Variants in MIB1 observed in about 807,000 individuals in gnomAD.
The protein encoded by MIB1 is MIB E3 ubiquitin protein ligase 1.
In MIB1, 278 loss-of-function variants were observed where a neutral mutation model predicts 124.5. The ratio of observed to expected loss-of-function variants is 2.23; its 90% CI spans 2.02 to 2.47. The LOEUF (loss-of-function observed/expected upper bound fraction) is 2.47, where lower values mean the gene tolerates loss of function less well. Ranked by LOEUF, MIB1 falls within the 30% of genes most tolerant of loss-of-function variation. MIB1 has a pLI of 0.00. For missense variants in MIB1, 957 were observed against 1,254.4 expected (o/e 0.76, Z 3.58); for synonymous variants, 446 against 429.4 (o/e 1.04, Z -0.48).
At chr18:21,783,504 A>G (rs2041396301) in intron 6 of MIB1, among the ~76,000 whole-genome samples, 1 of 151,740 alleles carries the variant, frequency 6.6e-6, no homozygotes, top group African/African-American at 2.4e-5. Flanking sequence ...CAGCCTCCCA[A>G]AGTACTGGGA....
chr18:21,808,532 A>G (rs2041733889), intron 10 of MIB1, among the ~76,000 whole-genome samples: 1 of 152,202 alleles, frequency 6.6e-6, no homozygotes, highest in Non-Finnish European at 1.5e-5. Context: ...TTAAGCTGTT[A>G]TCAAACAATT....
chr18:21,869,507 G>A lies in MIB1; in HGVS notation c.*4841G>A, dbSNP rs1437674440. 6.6e-6 allele frequency: 1 copy of A among 152,346 alleles called. No homozygotes were observed. The highest frequency in any genetic ancestry group is 1.5e-5 in the Non-Finnish European group (1 of 67,886). 9.4% of individuals were successfully genotyped at this position (152,346 alleles called of 1,614,324 possible). On this transcript the variant is annotated 3_prime_UTR_variant, in exon 21 of 21. Transcript: ENST00000261537. ...AGTGCACGTGTATCATTATATACAC[G>A]TTTTAAAGTCATATTGCTTAGCTTG...
At chr18:21,790,788 A>G (rs2041493160) in intron 6 of MIB1, among the ~76,000 whole-genome samples, 1 of 152,238 alleles carries the variant, frequency 6.6e-6, no homozygotes. Flanking sequence ...ATTGTATATT[A>G]CTTTTATAAC....
chr18:21,835,779 A>AT (rs1427646061), intron 12 of MIB1, among the ~76,000 whole-genome samples: 35 of 129,872 alleles, frequency 2.7e-4, no homozygotes, highest in Middle Eastern at 4.0e-3. Flanking sequence ...CAAGAAAAAA[A>AT]AAAAAATATA....
At chr18:21,755,140 A>G (rs1235940964) in intron 1 of MIB1, among the ~76,000 whole-genome samples, 1 of 150,048 alleles carries the variant, frequency 6.7e-6, no homozygotes, top group Non-Finnish European at 1.5e-5. Context: ...TTGTCTTATC[A>G]TGTCTGGGAA....
At chr18:21,826,052 T>C in intron 12 of MIB1, 1 of 237,598 alleles carries the variant, frequency 4.2e-6, no homozygotes, top group Non-Finnish European at 8.4e-6. Context: ...TCTAATCTTG[T>C]CCACAGCCGA....
chr18:21,762,466 A>G (rs1267170622), intron 1 of MIB1, among the ~76,000 whole-genome samples: 1 of 152,236 alleles, frequency 6.6e-6, no homozygotes, highest in Non-Finnish European at 1.5e-5. Flanking sequence ...TTTGCAAGGA[A>G]CTACAATGTG....
At chr18:21,750,001 G>A (rs1260790959) in intron 1 of MIB1, among the ~76,000 whole-genome samples, 1 of 151,810 alleles carries the variant, frequency 6.6e-6, no homozygotes, top group Non-Finnish European at 1.5e-5. Flanking sequence ...CAGTGAGTTA[G>A]AAATTTTATC....
In MIB1 at chr18:21,778,110, T is replaced by G. The variant is rs765022698; in HGVS notation, c.644T>G (p.Leu215Arg). 6.2e-7 allele frequency: 1 copy of G among 1,611,640 alleles called. No individual in the cohort carries two copies. The highest frequency in any genetic ancestry group is 1.3e-5 in the African/African-American group (1 of 74,874). ...YRVGFEGMSD[L>R]KCVQDAKGGS... Reference sequence around the variant, plus strand: ...GGTTTCTTTTCTTCTTAGTCTGATCTGAAATGTGTCCAGGATGCCAAGGGA... The same window carrying G: ...GGTTTCTTTTCTTCTTAGTCTGATCGGAAATGTGTCCAGGATGCCAAGGGA... The change falls in exon 5 of 21, where the codon CTG becomes CGG. Residue 215 changes from leucine to arginine, a missense_variant. Physicochemically the swap from Leu to Arg is moderately radical, Grantham distance 102. Transcript: ENST00000261537.
chr18:21,719,188 C>CA lies in MIB1; in HGVS notation n.167+14081dup, dbSNP rs201457192. On this transcript the variant is annotated intron_variant and non_coding_transcript_variant, in intron 1 of 20. Transcript: ENST00000578646. ...GGGCAACAAGAGCAAAACTCCGTCTCAAAAAAAAAAAAAAAATTTAGCCAG... is the reference window on the plus strand; with the variant it reads ...GGGCAACAAGAGCAAAACTCCGTCTCAAAAAAAAAAAAAAAAATTTAGCCAG... 7.3e-3 allele frequency among the ~76,000 whole-genome samples: 693 copies of CA among 95,082 alleles called. 2 individuals carry two copies. The highest frequency in any genetic ancestry group is 0.025 in the Middle Eastern group (3 of 118). 62.4% of individuals were successfully genotyped at this position (95,082 alleles called of 152,430 possible). A position where few individuals can be genotyped will look rare whatever the true frequency, so the allele number is the denominator to read the frequency against.
chr18:21,728,585 T>A (rs542035049), intron 1 of MIB1, among the ~76,000 whole-genome samples: 1 of 152,112 alleles, frequency 6.6e-6, no homozygotes, highest in Admixed American at 6.5e-5. Flanking sequence ...CTTAAAAGAG[T>A]AGGATATCAG....
intron 1 of MIB1, among the ~76,000 whole-genome samples, chr18:21,732,365 C>CACAT (rs2040775631): frequency 6.7e-6 from 1 of 150,174 alleles, no homozygotes; most frequent in Admixed American, 6.6e-5. Flanking sequence ...CACACACACA[C>CACAT]ACACACACAC....
chr18:21,846,534 A>G (rs1263301267), intron 15 of MIB1, among the ~76,000 whole-genome samples: 1 of 152,150 alleles, frequency 6.6e-6, no homozygotes. Context: ...CTCTCCTGTC[A>G]TTGTTTCAAG....
chr18:21,758,823 G>A (rs1358805412), intron 1 of MIB1, among the ~76,000 whole-genome samples: 3 of 152,108 alleles, frequency 2.0e-5, no homozygotes, highest in African/African-American at 4.8e-5. Context: ...ATGAGCCACC[G>A]CGCCCAGCTG....
In MIB1 at chr18:21,741,275, G is replaced by T. The variant is rs946917531; in HGVS notation, c.-309G>T. 28 of 157,316 alleles carry T rather than the reference G, an allele frequency of 1.8e-4. No individual in the cohort carries two copies. Among genetic ancestry groups the T allele is most frequent in the Non-Finnish European group, 4.2e-5 (3 of 71,686 alleles). 9.7% of individuals were successfully genotyped at this position (157,316 alleles called of 1,614,324 possible). A position where few individuals can be genotyped will look rare whatever the true frequency, so the allele number is the denominator to read the frequency against. On this transcript the variant is annotated 5_prime_UTR_variant, in exon 1 of 21. Coordinates refer to ENST00000261537, the MANE Select transcript of MIB1 (RefSeq NM_020774.4). The surrounding 1 kb of genome is among the most constrained non-coding windows in gnomAD (Gnocchi z 5.4). Reference sequence around the variant, plus strand: ...GCCGTCGCTGTAGCCTGGCCGGGGAGCCCGGAGGAAGCGGGAGAGTCCCCG... The same window carrying T: ...GCCGTCGCTGTAGCCTGGCCGGGGATCCCGGAGGAAGCGGGAGAGTCCCCG...
At chr18:21,849,920 T>G (rs889873697) in intron 17 of MIB1, among the ~76,000 whole-genome samples, 11 of 152,164 alleles carry the variant, frequency 7.2e-5, no homozygotes, top group African/African-American at 2.7e-4. Context: ...CTTCTGTGTT[T>G]CCTGTAAGCT....
At chr18:21,770,459 T>C (rs1012099515) in intron 3 of MIB1, among the ~76,000 whole-genome samples, 6 of 152,098 alleles carry the variant, frequency 3.9e-5, no homozygotes, top group Non-Finnish European at 8.8e-5. Context: ...CCCACGTTAA[T>C]TGTATGTAGT....
intron 11 of MIB1, among the ~76,000 whole-genome samples, chr18:21,816,889 A>AT (rs1291453437): frequency 6.6e-6 from 1 of 151,636 alleles, no homozygotes; most frequent in Non-Finnish European, 1.5e-5. Flanking sequence ...TGAGGGAAGA[A>AT]TTGGGGGGGT....
chr18:21,825,334 T>TACA (rs2041915053), intron 12 of MIB1, among the ~76,000 whole-genome samples: 1 of 152,180 alleles, frequency 6.6e-6, no homozygotes, highest in Non-Finnish European at 1.5e-5. Flanking sequence ...AATCCCATTA[T>TACA]GTGTTCAGGT....
Sources: gnomAD v4.1 joint callset for allele counts (sites outside exome capture counted in the v4.1 genomes callset) on GRCh38, gnomAD v4.1.1 for gene constraint, Gnocchi (gnomAD v3.1) non-coding constraint, MANE v1.5 for transcripts, NCBI Gene and HGNC (gene_info 2026-07-23, HGNC 2026-07-21) for gene names.